DYNC1H1: variants seen among roughly 807,000 people sequenced by gnomAD.
DYNC1H1 encodes dynein cytoplasmic 1 heavy chain 1.
Under a neutral mutation model 527.1 loss-of-function variants are expected in DYNC1H1, and 51 were observed. The ratio of observed to expected loss-of-function variants is 0.10; its 90% CI spans 0.08 to 0.12. DYNC1H1 has a LOEUF of 0.12. DYNC1H1 is among the 10% of genes least tolerant of loss of function. The pLI is 1.00. For synonymous variants in DYNC1H1, 2,189 were observed against 2,278.8 expected, an observed-to-expected ratio of 0.96 and a Z score of 1.12; for missense variants, 2,771 against 5,971.8, an observed-to-expected ratio of 0.46 and a Z score of 17.66.
rs1177383794 is a variant in DYNC1H1, at chr14:102,052,560, C to CCTCTTT, written c.*1999_*2000insCTTTCT. 29 of 152,512 alleles carry CCTCTTT rather than the reference C, an allele frequency of 1.9e-4. No homozygotes were observed. Among genetic ancestry groups the CCTCTTT allele is most frequent in the African/African-American group, 6.7e-4 (28 of 41,594 alleles). 9.4% of individuals were successfully genotyped at this position (152,512 alleles called of 1,614,324 possible). ...AGGCCACCTACTGCTTCTTCCTCTT[C>CCTCTTT]CTTTTCTCAGGCTCTGCAAGGAAGA... On this transcript the variant is annotated 3_prime_UTR_variant, in exon 78 of 78. Coordinates refer to ENST00000360184, the MANE Select transcript of DYNC1H1 (RefSeq NM_001376.5).
chr14:102,048,201 G>A, intron 73 of DYNC1H1, 173 bp downstream of exon 73: 1 of 885,758 alleles, frequency 1.1e-6, no homozygotes, highest in African/African-American at 1.7e-5. Context: ...AAGATGAGTT[G>A]GCCCTTTTGA....
chr14:101,979,024 C>T lies in DYNC1H1; in HGVS notation c.345-295C>T, dbSNP rs2047832990. Among the ~76,000 whole-genome samples, 1 of 152,192 alleles carries T rather than the reference C, an allele frequency of 6.6e-6. No individual in the cohort carries two copies. Among genetic ancestry groups the T allele is most frequent in the Admixed American group, 6.5e-5 (1 of 15,280 alleles). ...CTTAGTACAGTAAATAAATGTTACACATTAGTGTAAGATCAGATTTAAGTA... is the reference window on the plus strand; with the variant it reads ...CTTAGTACAGTAAATAAATGTTACATATTAGTGTAAGATCAGATTTAAGTA... On this transcript the variant is annotated intron_variant, in intron 2 of 77. Transcript: ENST00000360184. This position sits in a 1 kb window ranked among gnomAD's most constrained non-coding sequence, Gnocchi z 4.6.
chr14:102,048,371 G>A, intron 73 of DYNC1H1, 145 bp from the exon 74 acceptor site: 2 of 1,160,276 alleles, frequency 1.7e-6, no homozygotes, highest in Non-Finnish European at 2.5e-6. Context: ...TCGGTTCCAA[G>A]TCACGCTCTG....
rs768797999 is a variant in DYNC1H1, at chr14:102,047,960, G to A, written c.13150G>A (p.Ala4384Thr). 19 of 1,612,770 alleles carry A rather than the reference G, an allele frequency of 1.2e-5. No homozygotes were observed. The highest frequency in any genetic ancestry group is 1.4e-5 in the Non-Finnish European group (16 of 1,180,004). The change falls in exon 73 of 78, where the codon GCG becomes ACG. Residue 4384 changes from alanine to threonine, a missense_variant. Transcript: ENST00000360184. ...PAWMRTLHTT[A>T]SNWLHLIPQT... is the part of the protein sequence containing the mutation. ...CTGGATGCGGACACTGCACACCACC[G>A]CGTCCAACTGGCTGCACCTCATCCC...
At chr14:101,968,295 G>GTTTTT (rs2047690360) in intron 1 of DYNC1H1, among the ~76,000 whole-genome samples, 1 of 152,084 alleles carries the variant, frequency 6.6e-6, no homozygotes, top group Admixed American at 6.6e-5. Context: ...GTTTTGTTTT[G>GTTTTT]TTTTGTTTTG....
intron 52 of DYNC1H1, 39 bp downstream of exon 52, chr14:102,032,506 A>G: frequency 6.2e-7 from 1 of 1,613,494 alleles, no homozygotes; most frequent in Non-Finnish European, 8.5e-7. Flanking sequence ...CCAGAAATTG[A>G]AATCAGTTGT....
rs746026558 is a variant in DYNC1H1, at chr14:102,032,348, G to T, written c.9960G>T (p.Ala3320=). 4 of 1,614,214 alleles carry T rather than the reference G, an allele frequency of 2.5e-6. No individual in the cohort carries two copies. Among genetic ancestry groups the T allele is most frequent in the Admixed American group, 1.7e-5 (1 of 60,026 alleles). The change falls in exon 52 of 78, where the codon GCG becomes GCT. Residue 3320 remains alanine, a synonymous_variant. Transcript: ENST00000360184. ...ACCCTCCTGCTGCTGTGAAGCTGGC[G>T]CTGGAGTCCATCTGCCTGCTGCTGG... is the stretch of plus-strand genomic sequence containing the variant. ...MANPPAAVKL[A]LESICLLLGE... is the part of the protein sequence containing the mutation.
At chr14:101,990,131 A>G (rs1043185979) in intron 10 of DYNC1H1, among the ~76,000 whole-genome samples, 2 of 152,142 alleles carry the variant, frequency 1.3e-5, no homozygotes, top group African/African-American at 4.8e-5. Context: ...TGATTCTCAG[A>G]ACGTATCCCT....
chr14:101,994,113 A>G, intron 11 of DYNC1H1, 71 bp from the exon 12 acceptor site: 3 of 1,609,836 alleles, frequency 1.9e-6, no homozygotes, highest in Non-Finnish European at 2.5e-6. Context: ...ATTTTAATTA[A>G]GTAAAAGGTG....
In DYNC1H1 at chr14:102,005,206, C is replaced by T. The variant is rs777205734; in HGVS notation, c.5403C>T (p.Pro1801=). 6.8e-6 allele frequency: 11 copies of T among 1,614,214 alleles called. No homozygotes were observed. Among genetic ancestry groups the T allele is most frequent in the Middle Eastern group, 1.7e-4 (1 of 6,060 alleles). The change falls in exon 26 of 78, where the codon CCC becomes CCT. Residue 1801 remains proline, a synonymous_variant. Coordinates refer to ENST00000360184, the MANE Select transcript of DYNC1H1 (RefSeq NM_001376.5). This position sits in a 1 kb window ranked among gnomAD's most constrained non-coding sequence, Gnocchi z 4.0. ...CAGACTCTGTCCTCATGGAGCAGCC[C>T]CCACTCCGAAGGCGGAAGCTAGAAC... ...VLADSVLMEQ[P]PLRRRKLEHL...
Position 102,010,180 on chromosome 14 carries a change from C to T in DYNC1H1, c.6221+94C>T. On this transcript the variant is annotated intron_variant, in intron 30 of 77. Coordinates refer to ENST00000360184, the MANE Select transcript of DYNC1H1 (RefSeq NM_001376.5). This position sits in a 1 kb window ranked among gnomAD's most constrained non-coding sequence, Gnocchi z 6.0. Reference sequence around the variant, plus strand: ...ATTTTTATATGTAATGATGGTACGTCTTTCAAAATATCCATCTCTGGTTTC... The same window carrying T: ...ATTTTTATATGTAATGATGGTACGTTTTTCAAAATATCCATCTCTGGTTTC... 6.2e-7 allele frequency: 1 copy of T among 1,612,030 alleles called. No individual in the cohort carries two copies.
rs1251797064 is a variant in DYNC1H1 at position 102,056,201 on chromosome 14, T to A, written c.*5638T>A. ...TTAGAACCCGATGTTACCCATAGAT[T>A]TCAGGCATTGTATGGAAGAACATCG... On this transcript the variant is annotated 3_prime_UTR_variant, in exon 78 of 78. Coordinates refer to ENST00000360184, the MANE Select transcript of DYNC1H1 (RefSeq NM_001376.5). The A allele has an allele frequency of 6.6e-6, 1 of 152,204 alleles. No homozygotes were observed. Among genetic ancestry groups the A allele is most frequent in the African/African-American group, 2.4e-5 (1 of 41,454 alleles). The allele number at this position is 152,204 out of a possible 1,614,324, so 9.4% of individuals were successfully genotyped here. A position where few individuals can be genotyped will look rare whatever the true frequency, so the allele number is the denominator to read the frequency against.
chr14:101,976,265 C>T (rs1215352750), intron 2 of DYNC1H1, among the ~76,000 whole-genome samples: 1 of 150,384 alleles, frequency 6.6e-6, no homozygotes, highest in Non-Finnish European at 1.5e-5. Context: ...CACTCAAGCC[C>T]GGCACGGTGG....
rs1197064629 is a variant in DYNC1H1, at chr14:102,038,540, T to A, written c.10989T>A (p.Thr3663=). ...VRRTGGRVLI[T]LGDQDIDLSP... ...GAACAGGGGGGAGAGTGCTGATCAC[T>A]CTCGGGGACCAGGACATAGACCTGT... Residue 3663 remains threonine (T), a synonymous_variant, in exon 58 of 78, where the codon ACT becomes ACA. Coordinates refer to ENST00000360184, the MANE Select transcript of DYNC1H1 (RefSeq NM_001376.5). The surrounding 1 kb of genome is among the most constrained non-coding windows in gnomAD (Gnocchi z 7.2). 3 of 1,614,078 alleles carry A rather than the reference T, an allele frequency of 1.9e-6. No individual in the cohort carries two copies. Among genetic ancestry groups the A allele is most frequent in the Admixed American group, 1.7e-5 (1 of 60,014 alleles).
chr14:101,998,789 TAATC>T (rs2048094302), intron 16 of DYNC1H1, among the ~76,000 whole-genome samples: 1 of 152,172 alleles, frequency 6.6e-6, no homozygotes, highest in Non-Finnish European at 1.5e-5. Context: ...AGTTGAATAT[TAATC>T]AATAGCAAGA....
Position 101,997,389 on chromosome 14 carries a change from CTT to C in DYNC1H1, c.3804+118_3804+119del. 3.3e-6 allele frequency: 5 copies of C among 1,537,700 alleles called. No homozygotes were observed. Among genetic ancestry groups the C allele is most frequent in the East Asian group, 4.7e-5 (2 of 42,156 alleles). ...ACTGAGCTTTCTAGTATTGAAGACTCTTTTCCTTTTTGTAGTTAAAAAAGCAG... is the reference window on the plus strand; with the variant it reads ...ACTGAGCTTTCTAGTATTGAAGACTCTTCCTTTTTGTAGTTAAAAAAGCAG... On this transcript the variant is annotated intron_variant, in intron 16 of 77. Transcript: ENST00000360184. The surrounding 1 kb of genome is among the most constrained non-coding windows in gnomAD (Gnocchi z 4.8).
rs1355689574 is a variant in DYNC1H1 at position 101,965,866 on chromosome 14, TAG to T, written c.256+922_256+923del. Among the ~76,000 whole-genome samples, 1 of 151,288 alleles carries T rather than the reference TAG, an allele frequency of 6.6e-6. No homozygotes were observed. Among genetic ancestry groups the T allele is most frequent in the East Asian group, 1.9e-4 (1 of 5,154 alleles). On this transcript the variant is annotated intron_variant, in intron 1 of 77. Transcript: ENST00000360184. The surrounding 1 kb of genome is among the most constrained non-coding windows in gnomAD (Gnocchi z 4.1). ...TAGGCACCTAGTAGGGGGAAGAGGC[TAG>T]AGTTAGCGTGTTCCAGCTGTCTCCT...
chr14:102,005,226 T>A lies in DYNC1H1; in HGVS notation c.5423T>A (p.Leu1808Gln), dbSNP rs1211592233. Residue 1808 changes from leucine to glutamine, a missense_variant, in exon 26 of 78, where the codon CTA becomes CAA. Leu to Gln is a moderately radical substitution (Grantham distance 113). Coordinates refer to ENST00000360184, the MANE Select transcript of DYNC1H1 (RefSeq NM_001376.5). The surrounding 1 kb of genome is among the most constrained non-coding windows in gnomAD (Gnocchi z 4.0). ...CAGCCCCCACTCCGAAGGCGGAAGCTAGAACACTTGGTTAGTCTCACACCT... is the reference window on the plus strand; with the variant it reads ...CAGCCCCCACTCCGAAGGCGGAAGCAAGAACACTTGGTTAGTCTCACACCT... ...MEQPPLRRRKLEHLITELVHQ... is the reference protein window; with the variant it reads ...MEQPPLRRRKQEHLITELVHQ... 6.2e-7 allele frequency: 1 copy of A among 1,614,184 alleles called. No individual in the cohort carries two copies.
At chr14:102,048,702 C>T (rs1343941547) in intron 74 of DYNC1H1, 33 bp downstream of exon 74, 3 of 1,604,414 alleles carry the variant, frequency 1.9e-6, no homozygotes, top group Non-Finnish European at 2.6e-6. Context: ...GGTGTGGCTT[C>T]CGGCGGGCAC....
Sources: gnomAD v4.1 joint callset for allele counts (sites outside exome capture counted in the v4.1 genomes callset) on GRCh38, gnomAD v4.1.1 for gene constraint, Gnocchi (gnomAD v3.1) non-coding constraint, MANE v1.5 for transcripts, NCBI Gene and HGNC (gene_info 2026-07-23, HGNC 2026-07-21) for gene names.